The following ABCB5 variants were observed in gnomAD, a reference collection of about 807,000 sequenced individuals.
The protein encoded by ABCB5 is ATP-binding cassette sub-family B member 5.
In ABCB5, 155 loss-of-function variants were observed where a neutral mutation model predicts 144.2. The observed-to-expected ratio is 1.08, with a 90% CI of 0.94 to 1.23. The LOEUF (loss-of-function observed/expected upper bound fraction) is 1.23. Among genes scored for constraint, ABCB5 ranks in the 50% most tolerant of loss-of-function variants. ABCB5 has a pLI of 0.00. For missense variants in ABCB5, 1,830 were observed against 1,520.8 expected (o/e 1.20, Z -3.38); for synonymous variants, 610 against 528.6 (o/e 1.15, Z -2.11).
intron 16 of ABCB5, among the ~76,000 whole-genome samples, chr7:20,693,229 T>G (rs1159267554): frequency 2.0e-5 from 3 of 151,914 alleles, no homozygotes; most frequent in Non-Finnish European, 1.5e-5. Flanking sequence ...TAACCAGGAA[T>G]AGTGGCATGT....
At chr7:20,718,982 C>T (rs983050624) in intron 20 of ABCB5, among the ~76,000 whole-genome samples, 9 of 151,968 alleles carry the variant, frequency 5.9e-5, no homozygotes, top group African/African-American at 1.5e-4. Flanking sequence ...GAAAGCAACC[C>T]AAATTGAAGG....
Position 20,723,093 on chromosome 7 carries a change from T to G in ABCB5, c.2499T>G (p.Tyr833Ter). 6.2e-7 allele frequency: 1 copy of G among 1,614,154 alleles called. No homozygotes were observed. ...TTTCAGTTATCATTTCCTTTATATA[T>G]GGATGGGAGATGACATTCCTGATTC... The part of the protein sequence containing the change: ...MGLSVIISFI[Y>*]GWEMTFLILS... The change falls in exon 21 of 28, where the codon TAT (tyrosine) becomes TAG (stop). Residue 833 changes from tyrosine to a stop codon, truncating the protein, a stop_gained. Coordinates refer to ENST00000404938, the MANE Select transcript of ABCB5 (RefSeq NM_001163941.2). LOFTEE classifies it high-confidence loss of function.
In ABCB5 at chr7:20,645,943, G is replaced by GTGTTCT. The variant is rs1284387735; in HGVS notation, c.804-17_804-12dup. The GTGTTCT allele has an allele frequency of 6.2e-7, 1 of 1,612,650 alleles. No homozygotes were observed. The highest frequency in any genetic ancestry group is 1.1e-5 in the South Asian group (1 of 90,854). On this transcript the variant is annotated splice_polypyrimidine_tract_variant and intron_variant, in intron 8 of 27. Coordinates refer to ENST00000404938, the MANE Select transcript of ABCB5 (RefSeq NM_001163941.2). ...TATTTTCCCCAGTGGCTACTAAGTT[G>GTGTTCT]TGTTCTGTTTTTGTAAGGTATACAC...
chr7:20,752,771 G>A (rs1401343275), intron 26 of ABCB5, among the ~76,000 whole-genome samples: 4 of 152,178 alleles, frequency 2.6e-5, no homozygotes, highest in African/African-American at 4.8e-5. Flanking sequence ...GCTTGAAGCC[G>A]GGAGGCGGAG....
intron 5 of ABCB5, among the ~76,000 whole-genome samples, chr7:20,642,845 CATT>C (rs1784323228): frequency 6.6e-6 from 1 of 152,086 alleles, no homozygotes; most frequent in Admixed American, 6.6e-5. Flanking sequence ...TGACTGCTAT[CATT>C]ATTTTTTTAC....
At chr7:20,665,776 C>T (rs1422547938) in intron 14 of ABCB5, among the ~76,000 whole-genome samples, 11 of 136,506 alleles carry the variant, frequency 8.1e-5, no homozygotes, top group African/African-American at 2.7e-4. Context: ...GAGATACATA[C>T]ATACATACAT....
chr7:20,748,142 C>T (rs77960798), intron 26 of ABCB5, among the ~76,000 whole-genome samples: 7 of 152,136 alleles, frequency 4.6e-5, no homozygotes, highest in African/African-American at 1.2e-4. Flanking sequence ...GGAAAGGGTT[C>T]GTAACCATGG....
chr7:20,629,621 C>T (rs190951861), intron 4 of ABCB5, among the ~76,000 whole-genome samples: 36 of 151,892 alleles, frequency 2.4e-4, no homozygotes, highest in Non-Finnish European at 3.5e-4. Flanking sequence ...AATTAGCCAG[C>T]CATGGTAGCA....
intron 24 of ABCB5, among the ~76,000 whole-genome samples, chr7:20,739,984 C>A (rs1782510215): frequency 1.3e-5 from 2 of 152,130 alleles, no homozygotes; most frequent in African/African-American, 2.4e-5. Context: ...GTAATCCCAG[C>A]ACTTTGGGAG....
At chr7:20,731,184 C>T (rs1323786560) in intron 23 of ABCB5, among the ~76,000 whole-genome samples, 1 of 151,728 alleles carries the variant, frequency 6.6e-6, no homozygotes, top group Non-Finnish European at 1.5e-5. Flanking sequence ...GAAACCCCGT[C>T]TCTACTAAAA....
chr7:20,623,846 T>C (rs182188005), intron 2 of ABCB5, among the ~76,000 whole-genome samples: 1 of 152,334 alleles, frequency 6.6e-6, no homozygotes, highest in African/African-American at 2.4e-5. Context: ...ACTTTTACCA[T>C]AATAATTGTG....
chr7:20,628,477 T>G (rs544302931), intron 3 of ABCB5, among the ~76,000 whole-genome samples: 70 of 152,254 alleles, frequency 4.6e-4, no homozygotes, highest in African/African-American at 1.6e-3. Context: ...TTTAATGCCT[T>G]TAAAGGAGAT....
intron 24 of ABCB5, among the ~76,000 whole-genome samples, chr7:20,739,684 A>C (rs1172163537): frequency 6.6e-6 from 1 of 152,102 alleles, no homozygotes. Context: ...TAAAGTTTTG[A>C]TCTTGGATGA....
At chr7:20,660,984 C>A (rs1784984770) in intron 14 of ABCB5, among the ~76,000 whole-genome samples, 1 of 152,170 alleles carries the variant, frequency 6.6e-6, no homozygotes, top group Non-Finnish European at 1.5e-5. Flanking sequence ...TGAATTCTAA[C>A]TAAACAGCAA....
intron 23 of ABCB5, among the ~76,000 whole-genome samples, chr7:20,737,586 C>A (rs1252937267): frequency 6.6e-6 from 1 of 152,150 alleles, no homozygotes; most frequent in African/African-American, 2.4e-5. Flanking sequence ...TGGGAAGAAG[C>A]TATTTTCTCA....
chr7:20,617,635 A>G (rs1487581993), intron 1 of ABCB5, among the ~76,000 whole-genome samples: 1 of 152,346 alleles, frequency 6.6e-6, no homozygotes, highest in East Asian at 1.9e-4. Context: ...TGCAGATTCT[A>G]TTCAGAAGTT....
chr7:20,621,027 A>G (rs1418072235), intron 1 of ABCB5, among the ~76,000 whole-genome samples: 1 of 152,168 alleles, frequency 6.6e-6, no homozygotes, highest in Non-Finnish European at 1.5e-5. Context: ...ACTTTAAAAA[A>G]ATGTACTATA....
intron 5 of ABCB5, among the ~76,000 whole-genome samples, chr7:20,639,425 A>G (rs1325679559): frequency 6.6e-6 from 1 of 152,190 alleles, no homozygotes; most frequent in African/African-American, 2.4e-5. Context: ...TGCCTAACCC[A>G]GGATGATGAA....
At chr7:20,657,281 T>A (rs749096072) in intron 13 of ABCB5, among the ~76,000 whole-genome samples, 1 of 152,024 alleles carries the variant, frequency 6.6e-6, no homozygotes, top group African/African-American at 2.4e-5. Context: ...AGATAATGAA[T>A]AATTTTTTAG....
Sources: gnomAD v4.1 joint callset for allele counts (sites outside exome capture counted in the v4.1 genomes callset) on GRCh38, gnomAD v4.1.1 for gene constraint, MANE v1.5 for transcripts, NCBI Gene and HGNC (gene_info 2026-07-23, HGNC 2026-07-21) for gene names.